SINHCAF: variants seen among roughly 807,000 people sequenced by gnomAD.
SINHCAF encodes SIN3-HDAC complex associated factor.
A neutral mutation model predicts 25.8 loss-of-function variants in SINHCAF; 3 were observed. The observed-to-expected ratio is 0.12, with a 90% CI of 0.05 to 0.30. The LOEUF is 0.30. SINHCAF is among the 10% of genes least tolerant of loss of function. The pLI, the probability that SINHCAF is intolerant of heterozygous loss-of-function variation, is 1.00. For synonymous variants in SINHCAF, 70 were observed against 85.5 expected (o/e 0.82, Z 1.00); for missense variants, 121 against 262.3 (o/e 0.46, Z 3.72).
intron 1 of SINHCAF, among the ~76,000 whole-genome samples, chr12:31,322,406 A>C (rs1939731598): frequency 6.6e-6 from 1 of 152,388 alleles, no homozygotes; most frequent in Admixed American, 6.5e-5. Flanking sequence ...ACCCAGAGAA[A>C]TAGCTGCGAA....
At position 31,287,856 on chromosome 12, in the gene SINHCAF, T is replaced by A. The variant is rs1938142969; in HGVS notation, c.356-72A>T. ...ATGTAATTGCAACTAAACCTCAGCATAAGACACTGTGAAAGAGTTGGTAAA... is the reference window on the plus strand; with the variant it reads ...ATGTAATTGCAACTAAACCTCAGCAAAAGACACTGTGAAAGAGTTGGTAAA... On this transcript the variant is annotated intron_variant, in intron 4 of 5. Transcript: ENST00000337682. The A allele has an allele frequency of 3.7e-6, 4 of 1,086,124 alleles. 1 individual carries two copies. The highest frequency in any genetic ancestry group is 3.9e-5 in the South Asian group (2 of 51,276). The allele number at this position is 1,086,124 out of a possible 1,614,324, so 67.3% of individuals were successfully genotyped here. A position where few individuals can be genotyped will look rare whatever the true frequency, so the allele number is the denominator to read the frequency against.
intron 5 of SINHCAF, among the ~76,000 whole-genome samples, chr12:31,283,374 G>GGGCAGATAACTTGAGGTC (rs1323485094): frequency 6.6e-6 from 1 of 152,100 alleles, no homozygotes; most frequent in Non-Finnish European, 1.5e-5. Flanking sequence ...AGGCTGAGGT[G>GGGCAGATAACTTGAGGTC]GGCAGATAAC....
chr12:31,325,548 C>CTTTGTT lies in SINHCAF; in HGVS notation c.-21+475_-21+476insAACAAA. The CTTTGTT allele has an allele frequency of 4.7e-6, 1 of 211,012 alleles. No individual in the cohort carries two copies. The highest frequency in any genetic ancestry group is 1.0e-5 in the Non-Finnish European group (1 of 100,470). The allele number at this position is 211,012 out of a possible 1,614,324, so 13.1% of individuals were successfully genotyped here. A position where few individuals can be genotyped will look rare whatever the true frequency, so the allele number is the denominator to read the frequency against. ...CAGTCAACTAAACCACGAGGTTTCA[C>CTTTGTT]AACGGCGCCCGACCCTGCCCGCGCC... On this transcript the variant is annotated intron_variant, in intron 1 of 5. Coordinates refer to ENST00000337682, the MANE Select transcript of SINHCAF (RefSeq NM_001135812.2). This position sits in a 1 kb window ranked among gnomAD's most constrained non-coding sequence, Gnocchi z 5.9.
chr12:31,310,108 G>GGTACTTT (rs1300566170), intron 1 of SINHCAF, among the ~76,000 whole-genome samples: 1 of 152,188 alleles, frequency 6.6e-6, no homozygotes, highest in Non-Finnish European at 1.5e-5. Context: ...AGGTTAAACA[G>GGTACTTT]GTACTTCTGG....
At chr12:31,306,691 C>A (rs1188098971) in intron 1 of SINHCAF, among the ~76,000 whole-genome samples, 1 of 152,170 alleles carries the variant, frequency 6.6e-6, no homozygotes, top group Non-Finnish European at 1.5e-5. Context: ...TAATTCAGAG[C>A]AGCCTGGAAC....
chr12:31,322,893 G>T (rs1027301844), intron 1 of SINHCAF, among the ~76,000 whole-genome samples: 3 of 152,080 alleles, frequency 2.0e-5, no homozygotes, highest in African/African-American at 7.2e-5. Flanking sequence ...GCATCCATGT[G>T]TCAAACCAGC....
At chr12:31,289,203 G>A (rs1938206186) in intron 4 of SINHCAF, among the ~76,000 whole-genome samples, 1 of 152,116 alleles carries the variant, frequency 6.6e-6, no homozygotes, top group Non-Finnish European at 1.5e-5. Context: ...TGTCATTGCA[G>A]TCCTGGAGGG....
intron 1 of SINHCAF, among the ~76,000 whole-genome samples, chr12:31,315,340 T>A (rs1489737340): frequency 6.6e-6 from 1 of 152,236 alleles, no homozygotes; most frequent in African/African-American, 2.4e-5. Context: ...CTGTATCTGA[T>A]AAACAAGTTT....
At chr12:31,292,842 T>C (rs144158530) in intron 4 of SINHCAF, among the ~76,000 whole-genome samples, 222 of 152,314 alleles carry the variant, frequency 1.5e-3, no homozygotes, top group African/African-American at 5.2e-3. Flanking sequence ...TCCATTATTC[T>C]AAAACAAGCA....
chr12:31,313,218 G>C (rs779924852), intron 1 of SINHCAF, among the ~76,000 whole-genome samples: 1 of 136,464 alleles, frequency 7.3e-6, no homozygotes, highest in African/African-American at 3.5e-5. Context: ...TAGTAGAGAC[G>C]GTTTCACCAT....
Position 31,287,730 on chromosome 12 carries a change from T to G in SINHCAF, c.410A>C (p.Tyr137Ser), listed in dbSNP as rs1454779928. The G allele has an allele frequency of 1.2e-6, 2 of 1,611,288 alleles. No homozygotes were observed. Among genetic ancestry groups the G allele is most frequent in the African/African-American group, 2.7e-5 (2 of 74,884 alleles). ...SSASPAQSPCYSNQSDDGSDT... is the reference protein window; with the variant it reads ...SSASPAQSPCSSNQSDDGSDT... ...TGAGCCGTCATCTGACTGGTTACTGTAACAAGGAGATTGAGCTGGGGAGGC... is the reference window on the plus strand; with the variant it reads ...TGAGCCGTCATCTGACTGGTTACTGGAACAAGGAGATTGAGCTGGGGAGGC... Residue 137 changes from tyrosine to serine, a missense_variant, in exon 5 of 6, where the codon TAC becomes TCC. Transcript: ENST00000337682.
At position 31,324,181 on chromosome 12, in the gene SINHCAF, G is replaced by A. The variant is rs1939846637; in HGVS notation, c.-21+1843C>T. 1.8e-5 allele frequency: 4 copies of A among 222,880 alleles called. No homozygotes were observed. The highest frequency in any genetic ancestry group is 2.6e-5 in the Non-Finnish European group (3 of 115,598). The allele number at this position is 222,880 out of a possible 1,614,324, so 13.8% of individuals were successfully genotyped here. The stretch of plus-strand genomic sequence containing the variant: ...GAACAACGGGCCCCGCGCCAGCCCG[G>A]CCCGGCGCCTCCCGCAGGCCGCGCC... On this transcript the variant is annotated intron_variant, in intron 1 of 5. Coordinates refer to ENST00000337682, the MANE Select transcript of SINHCAF (RefSeq NM_001135812.2). The surrounding 1 kb of genome is among the most constrained non-coding windows in gnomAD (Gnocchi z 5.5).
intron 5 of SINHCAF, among the ~76,000 whole-genome samples, chr12:31,285,871 C>T (rs1003826782): frequency 1.3e-4 from 19 of 150,906 alleles, no homozygotes; most frequent in South Asian, 2.1e-4. Context: ...GCTATTTGGG[C>T]GGCTGAGGTG....
chr12:31,292,573 G>A (rs1938371818), intron 4 of SINHCAF, among the ~76,000 whole-genome samples: 1 of 151,974 alleles, frequency 6.6e-6, no homozygotes, highest in Admixed American at 6.6e-5. Context: ...GAGATGGGGG[G>A]TTGAGAGCTG....
chr12:31,318,164 C>T (rs1939563007), intron 1 of SINHCAF, among the ~76,000 whole-genome samples: 5 of 152,174 alleles, frequency 3.3e-5, no homozygotes, highest in Admixed American at 3.3e-4. Flanking sequence ...GTCAACAGGA[C>T]TAAATGCTTT....
chr12:31,301,979 T>C (rs1938816962), intron 1 of SINHCAF, among the ~76,000 whole-genome samples: 1 of 152,246 alleles, frequency 6.6e-6, no homozygotes, highest in Non-Finnish European at 1.5e-5. Context: ...ACAATCTATC[T>C]TATTTGTTCA....
chr12:31,293,692 T>C (rs1938429659), intron 4 of SINHCAF, 113 bp downstream of exon 4: 1 of 894,970 alleles, frequency 1.1e-6, no homozygotes, highest in South Asian at 2.0e-5. Flanking sequence ...TGCCTTCCAG[T>C]GCTCTTTATA....
At position 31,306,738 on chromosome 12, in the gene SINHCAF, CATTTT is replaced by C. The variant is rs575622872; in HGVS notation, c.-20-8519_-20-8515del. Among the ~76,000 whole-genome samples, 265 of 152,298 alleles carry C rather than the reference CATTTT, an allele frequency of 1.7e-3. 1 individual carries two copies. Among genetic ancestry groups the C allele is most frequent in the African/African-American group, 6.1e-3 (255 of 41,556 alleles). On this transcript the variant is annotated intron_variant, in intron 1 of 5. Transcript: ENST00000337682. ...CCAAAAGCGAGATCCAAGACTAGTC[CATTTT>C]TTTACGGGTTGCCCTGAGAAGGTTA...
rs1937759854 is a variant in SINHCAF at position 31,280,813 on chromosome 12, C to T, written c.*1899G>A. On this transcript the variant is annotated 3_prime_UTR_variant, in exon 6 of 6. Coordinates refer to ENST00000337682, the MANE Select transcript of SINHCAF (RefSeq NM_001135812.2). ...AATAAATACAGAAGTAGAGATGATC[C>T]ATATTATAGTATATTCTACCACCAA... is the stretch of plus-strand genomic sequence containing the variant. 2 of 152,260 alleles carry T rather than the reference C, an allele frequency of 1.3e-5. No homozygotes were observed. Among genetic ancestry groups the T allele is most frequent in the Admixed American group, 1.3e-4 (2 of 15,260 alleles). The allele number at this position is 152,260 out of a possible 1,614,324, so 9.4% of individuals were successfully genotyped here.
Sources: allele counts gnomAD v4.1 joint callset (sites outside exome capture counted in the v4.1 genomes callset), GRCh38; gene constraint gnomAD v4.1.1; non-coding constraint Gnocchi (gnomAD v3.1); transcripts MANE v1.5; gene names NCBI Gene and HGNC (gene_info 2026-07-23, HGNC 2026-07-21).